PLCB1: variants seen among roughly 807,000 people sequenced by gnomAD.
PLCB1 encodes the protein phospholipase C beta 1.
In PLCB1, 46 loss-of-function variants were observed where a neutral mutation model predicts 161.8. That is an observed-to-expected ratio of 0.28 (90% confidence interval 0.22 to 0.36). The LOEUF is 0.36. PLCB1 is among the 10% of genes least tolerant of loss of function. The probability of loss-of-function intolerance (pLI) is 1.00; values close to 1 mark genes in which losing one functional copy is unlikely to be tolerated. For missense variants in PLCB1, 1,016 were observed against 1,472.5 expected (o/e 0.69, Z 5.07); for synonymous variants, 517 against 503.7 (o/e 1.03, Z -0.35).
At chr20:8,251,240 T>C (rs1363548859) in intron 2 of PLCB1, among the ~76,000 whole-genome samples, 2 of 152,072 alleles carry the variant, frequency 1.3e-5, no homozygotes, top group South Asian at 4.1e-4. Flanking sequence ...CCCTACCTCT[T>C]AATACGATCA....
intron 3 of PLCB1, among the ~76,000 whole-genome samples, chr20:8,400,289 G>C (rs148503956): frequency 7.9e-4 from 121 of 152,244 alleles, no homozygotes; most frequent in African/African-American, 2.6e-3. Context: ...GGTGGCAACT[G>C]TCTGAGCCTG....
intron 3 of PLCB1, among the ~76,000 whole-genome samples, chr20:8,546,219 C>T (rs1985538409): frequency 1.4e-5 from 2 of 147,012 alleles, no homozygotes; most frequent in Non-Finnish European, 3.0e-5. Context: ...GAAGCTGAGG[C>T]AGGAGAATTG....
At chr20:8,604,322 TA>T (rs1156581606) in intron 3 of PLCB1, among the ~76,000 whole-genome samples, 1 of 151,718 alleles carries the variant, frequency 6.6e-6, no homozygotes, top group Non-Finnish European at 1.5e-5. Flanking sequence ...ACCTTGTTTT[TA>T]AAAATATGTA....
intron 2 of PLCB1, among the ~76,000 whole-genome samples, chr20:8,210,081 G>A (rs1978742552): frequency 6.6e-6 from 1 of 151,924 alleles, no homozygotes; most frequent in South Asian, 2.1e-4. Context: ...GAGCCACCGA[G>A]CCCAACTTTA....
chr20:8,488,237 T>A (rs1982811034), intron 3 of PLCB1, among the ~76,000 whole-genome samples: 1 of 152,030 alleles, frequency 6.6e-6, no homozygotes, highest in Non-Finnish European at 1.5e-5. Context: ...ATTGCAGAAG[T>A]GAATTAAACA....
At chr20:8,276,476 T>G (rs558113861) in intron 2 of PLCB1, among the ~76,000 whole-genome samples, 142 of 152,338 alleles carry the variant, frequency 9.3e-4, no homozygotes, top group African/African-American at 3.3e-3. Context: ...TGATAAGCAC[T>G]TAATACATAT....
intron 3 of PLCB1, among the ~76,000 whole-genome samples, chr20:8,613,417 G>T (rs996166733): frequency 6.6e-6 from 1 of 152,310 alleles, no homozygotes; most frequent in South Asian, 2.1e-4. Flanking sequence ...AGCCGTGTCT[G>T]TTAGCAACTC....
Position 8,278,653 on chromosome 20 carries a change from G to A in PLCB1, c.178-92729G>A, listed in dbSNP as rs112248750. Among the ~76,000 whole-genome samples the A allele has an allele frequency of 3.0e-3, 455 of 152,138 alleles. 1 individual carries two copies. The highest frequency in any genetic ancestry group is 6.8e-3 in the Middle Eastern group (2 of 292). On this transcript the variant is annotated intron_variant, in intron 2 of 31. Coordinates refer to ENST00000338037, the MANE Select transcript of PLCB1 (RefSeq NM_015192.4). ...ATACCAGGAGAAGCTATCACTATAT[G>A]TCCATCAGCTGGCCAAAATTAAATT...
chr20:8,763,331 G>A (rs6056073), intron 25 of PLCB1, among the ~76,000 whole-genome samples: 137,911 of 152,174 alleles, frequency 0.91, 63,109 homozygotes, highest in East Asian at 1. Context: ...CCTCCCGAGT[G>A]GCTGGGATTA....
chr20:8,424,515 G>C (rs1979666992), intron 3 of PLCB1, among the ~76,000 whole-genome samples: 2 of 152,112 alleles, frequency 1.3e-5, no homozygotes, highest in African/African-American at 2.4e-5. Flanking sequence ...GACCAAATGA[G>C]TGTCTCTTTC....
At chr20:8,684,469 G>C (rs6056001) in intron 9 of PLCB1, among the ~76,000 whole-genome samples, 5 of 151,338 alleles carry the variant, frequency 3.3e-5, no homozygotes, top group South Asian at 2.1e-4. Flanking sequence ...GGCCAGGCTG[G>C]TCTCGAGCTC....
In PLCB1 at chr20:8,606,204, C is replaced by G. The variant is rs147574126; in HGVS notation, c.247-22090C>G. 7.5e-3 allele frequency among the ~76,000 whole-genome samples: 1,137 copies of G among 152,198 alleles called. 18 individuals carry two copies. Among genetic ancestry groups the G allele is most frequent in the African/African-American group, 0.026 (1,094 of 41,528 alleles). ...ATGGTTTTGTTGTTTACATTTAACG[C>G]TTTATTTGAACATCAATGTGATCTG... On this transcript the variant is annotated intron_variant, in intron 3 of 31. Coordinates refer to ENST00000338037, the MANE Select transcript of PLCB1 (RefSeq NM_015192.4).
chr20:8,620,787 A>C (rs1988161355), intron 3 of PLCB1, among the ~76,000 whole-genome samples: 1 of 151,696 alleles, frequency 6.6e-6, no homozygotes, highest in Non-Finnish European at 1.5e-5. Flanking sequence ...AAAGAAACAG[A>C]ATACAGGCTG....
At chr20:8,838,711 T>A (rs1046223037) in intron 31 of PLCB1, among the ~76,000 whole-genome samples, 15 of 151,704 alleles carry the variant, frequency 9.9e-5, no homozygotes, top group African/African-American at 3.4e-4. Context: ...AATTTCAAAG[T>A]CGCAGGGCTG....
At chr20:8,878,511 G>A (rs1201930712) in intron 31 of PLCB1, among the ~76,000 whole-genome samples, 2 of 152,146 alleles carry the variant, frequency 1.3e-5, no homozygotes, top group Admixed American at 6.5e-5. Context: ...ATGGAGAGTA[G>A]GGCCCTGTAC....
chr20:8,477,381 T>G (rs1750911926), intron 3 of PLCB1, among the ~76,000 whole-genome samples: 1 of 152,154 alleles, frequency 6.6e-6, no homozygotes, highest in Non-Finnish European at 1.5e-5. Flanking sequence ...CGGGCAGACA[T>G]AAGAACCCAT....
chr20:8,257,624 G>A (rs1981493951), intron 2 of PLCB1, among the ~76,000 whole-genome samples: 1 of 152,164 alleles, frequency 6.6e-6, no homozygotes, highest in Non-Finnish European at 1.5e-5. Context: ...CTACGTCACA[G>A]GGTGATTGTG....
At chr20:8,236,196 A>G (rs771164446) in intron 2 of PLCB1, among the ~76,000 whole-genome samples, 1 of 152,148 alleles carries the variant, frequency 6.6e-6, no homozygotes, top group Non-Finnish European at 1.5e-5. Flanking sequence ...AAATCAATTC[A>G]TCAGTAAAAC....
At chr20:8,136,519 G>C (rs1017467695) in intron 1 of PLCB1, among the ~76,000 whole-genome samples, 7 of 151,860 alleles carry the variant, frequency 4.6e-5, no homozygotes, top group Non-Finnish European at 1.0e-4. Context: ...CCAGCTGCTC[G>C]GGAGGCTGAG....
Sources: allele counts gnomAD v4.1 joint callset (sites outside exome capture counted in the v4.1 genomes callset), GRCh38; gene constraint gnomAD v4.1.1; transcripts MANE v1.5; gene names NCBI Gene and HGNC (gene_info 2026-07-23, HGNC 2026-07-21).